SHANK2: variants seen among roughly 807,000 people sequenced by gnomAD.
The protein encoded by SHANK2 is SH3 and multiple ankyrin repeat domains protein 2.
In SHANK2, 43 loss-of-function variants were observed where a neutral mutation model predicts 133.7. That is an observed-to-expected ratio of 0.32 (90% CI 0.25 to 0.41). The LOEUF (loss-of-function observed/expected upper bound fraction) is 0.41, where lower values mean the gene tolerates loss of function less well. Ranked by LOEUF, SHANK2 falls within the 10% of genes least tolerant of loss-of-function variation. SHANK2 has a pLI of 1.00. For missense variants in SHANK2, 1,994 were observed against 2,235.8 expected, an observed-to-expected ratio of 0.89 and a Z score of 2.18; for synonymous variants, 1,017 against 952.8, an observed-to-expected ratio of 1.07 and a Z score of -1.24.
chr11:71,234,559 C>T (rs1054010316), intron 1 of SHANK2, among the ~76,000 whole-genome samples: 6 of 152,122 alleles, frequency 3.9e-5, no homozygotes, highest in Non-Finnish European at 7.4e-5. Context: ...TGCTGGACTC[C>T]GAGTCGGGGG....
rs996521620 is a variant in SHANK2 at position 71,061,251 on chromosome 11, T to C, written c.1030-4693A>G. Among the ~76,000 whole-genome samples, 130 of 152,372 alleles carry C rather than the reference T, an allele frequency of 8.5e-4. 1 individual carries two copies. Among genetic ancestry groups the C allele is most frequent in the Non-Finnish European group, 1.3e-3 (91 of 68,034 alleles). On this transcript the variant is annotated intron_variant, in intron 9 of 25. Transcript: ENST00000601538. Reference sequence around the variant, plus strand: ...CATCTACTCACCTGCATATTTTCTGTGGCTGCAAAGCCTGAGGTATTTACT... The same window carrying C: ...CATCTACTCACCTGCATATTTTCTGCGGCTGCAAAGCCTGAGGTATTTACT...
intron 14 of SHANK2, among the ~76,000 whole-genome samples, chr11:70,741,895 C>A (rs782577511): frequency 2.6e-5 from 4 of 152,208 alleles, no homozygotes; most frequent in Non-Finnish European, 5.9e-5. Flanking sequence ...CTGCCCCCAG[C>A]AGTCCCACAG....
intron 14 of SHANK2, among the ~76,000 whole-genome samples, chr11:70,740,293 T>C (rs1394731902): frequency 1.3e-5 from 2 of 151,998 alleles, no homozygotes; most frequent in Non-Finnish European, 1.5e-5. Flanking sequence ...ACCATAAAGG[T>C]TGTCCGCAAT....
chr11:70,647,747 GGACAGGA>G (rs1366381191), intron 17 of SHANK2, among the ~76,000 whole-genome samples: 1 of 152,168 alleles, frequency 6.6e-6, no homozygotes, highest in African/African-American at 2.4e-5. Context: ...TAACAAAAGG[GGACAGGA>G]CCCCCTTCCC....
At chr11:70,658,268 C>G (rs11237098) in intron 17 of SHANK2, among the ~76,000 whole-genome samples, 4 of 115,672 alleles carry the variant, frequency 3.5e-5, no homozygotes, top group African/African-American at 1.8e-4. Flanking sequence ...CACACAGACA[C>G]ACACACACAC....
At chr11:70,748,098 T>G (rs1259551715) in intron 14 of SHANK2, among the ~76,000 whole-genome samples, 1 of 152,160 alleles carries the variant, frequency 6.6e-6, no homozygotes, top group African/African-American at 2.4e-5. Flanking sequence ...ATGACTTGTC[T>G]GAGATCACAC....
chr11:70,632,368 G>A (rs951405922), intron 17 of SHANK2, among the ~76,000 whole-genome samples: 4 of 151,782 alleles, frequency 2.6e-5, no homozygotes, highest in East Asian at 1.9e-4. Context: ...CTCGTGATCC[G>A]CCCGCCTCAG....
Position 70,676,056 on chromosome 11 carries a change from T to C in SHANK2, c.1854-14378A>G, listed in dbSNP as rs989646498. On this transcript the variant is annotated intron_variant, in intron 15 of 25. Transcript: ENST00000601538. ...ACTCTATACCTGCTATCTCTATCAG[T>C]TGAACTCCTATTCATTCTTCAAAGC... 2.0e-5 allele frequency among the ~76,000 whole-genome samples: 3 copies of C among 152,250 alleles called. No homozygotes were observed. In the South Asian group the frequency reaches 6.2e-4, roughly 31 times the overall value.
intron 11 of SHANK2, chr11:70,862,852 G>A (rs745413468): frequency 1.5e-5 from 4 of 269,526 alleles, no homozygotes; most frequent in Non-Finnish European, 2.9e-5. Context: ...ACAGTCTAGA[G>A]TCTAGTAAAC....
At chr11:71,116,728 T>G (rs1161466697) in intron 4 of SHANK2, among the ~76,000 whole-genome samples, 3 of 152,196 alleles carry the variant, frequency 2.0e-5, no homozygotes, top group African/African-American at 7.2e-5. Context: ...CGGGGCCAGG[T>G]GGGAGGTCTT....
intron 14 of SHANK2, among the ~76,000 whole-genome samples, chr11:70,775,859 A>G (rs1947354411): frequency 6.6e-6 from 1 of 152,234 alleles, no homozygotes; most frequent in African/African-American, 2.4e-5. Flanking sequence ...GTTTATTCAT[A>G]ATCCCCGAAT....
intron 11 of SHANK2, among the ~76,000 whole-genome samples, chr11:70,851,555 AGG>A (rs1328956790): frequency 6.6e-6 from 1 of 152,222 alleles, no homozygotes; most frequent in African/African-American, 2.4e-5. Flanking sequence ...TTGGACTATG[AGG>A]GCAATTGAGC....
intron 12 of SHANK2, among the ~76,000 whole-genome samples, chr11:70,813,510 G>A (rs1476595125): frequency 6.6e-6 from 1 of 152,068 alleles, no homozygotes; most frequent in African/African-American, 2.4e-5. Flanking sequence ...TTGTGAGAAA[G>A]TTGGAGGTTT....
intron 2 of SHANK2, among the ~76,000 whole-genome samples, chr11:71,219,538 C>A (rs1243518756): frequency 6.6e-6 from 1 of 152,016 alleles, no homozygotes; most frequent in Non-Finnish European, 1.5e-5. Context: ...CAAACCAAAA[C>A]CACAATGAAA....
chr11:70,869,226 G>A (rs1158175843), intron 11 of SHANK2, among the ~76,000 whole-genome samples: 1 of 152,144 alleles, frequency 6.6e-6, no homozygotes, highest in Admixed American at 6.5e-5. Context: ...ACGGTGAGAC[G>A]ATAAATGACT....
chr11:70,874,564 T>C (rs1337747584), intron 11 of SHANK2, among the ~76,000 whole-genome samples: 2 of 151,274 alleles, frequency 1.3e-5, no homozygotes, highest in East Asian at 1.9e-4. Flanking sequence ...GATTTGTGCA[T>C]CAGTTTTAAA....
Position 71,070,295 on chromosome 11 carries a change from G to A in SHANK2, c.1029+4864C>T, listed in dbSNP as rs893102690. Among the ~76,000 whole-genome samples the A allele has an allele frequency of 6.6e-5, 10 of 152,170 alleles. 2 individuals are homozygous for A. The South Asian group carries it at 1.9e-3, about 28-fold the overall frequency. Reference sequence around the variant, plus strand: ...CTAAGGAGGAGTATGAGGGATACACGAAGCTGGATCCTAGACCACTCGCAG... The same window carrying A: ...CTAAGGAGGAGTATGAGGGATACACAAAGCTGGATCCTAGACCACTCGCAG... On this transcript the variant is annotated intron_variant, in intron 9 of 25. Transcript: ENST00000601538.
At chr11:71,244,336 G>A (rs528204437) in intron 1 of SHANK2, among the ~76,000 whole-genome samples, 3 of 152,358 alleles carry the variant, frequency 2.0e-5, no homozygotes, top group East Asian at 3.9e-4. Context: ...GACATATCCT[G>A]AACGACAAGA....
chr11:70,828,983 G>A (rs1948687494), intron 11 of SHANK2, among the ~76,000 whole-genome samples: 3 of 152,230 alleles, frequency 2.0e-5, no homozygotes, highest in Admixed American at 2.0e-4. Context: ...TGTGGGGAGA[G>A]CCTGCACGTT....
Sources: gnomAD v4.1 joint callset for allele counts (sites outside exome capture counted in the v4.1 genomes callset) on GRCh38, gnomAD v4.1.1 for gene constraint, MANE v1.5 for transcripts, NCBI Gene and HGNC (gene_info 2026-07-23, HGNC 2026-07-21) for gene names.